Variants in CTNNA2 observed in about 807,000 individuals in gnomAD.
CTNNA2 encodes the protein catenin alpha 2.
CTNNA2 carries 42 observed loss-of-function variants against 101.0 expected under a neutral mutation model. The observed-to-expected ratio is 0.42, with a 90% CI of 0.32 to 0.54. The LOEUF (loss-of-function observed/expected upper bound fraction) is 0.54, where lower values mean the gene tolerates loss of function less well. CTNNA2 is among the 20% of genes least tolerant of loss of function. The probability of loss-of-function intolerance (pLI) is 0.14; values close to 1 mark genes in which losing one functional copy is unlikely to be tolerated. For synonymous variants in CTNNA2, 450 were observed against 456.4 expected (o/e 0.99, Z 0.18); for missense variants, 871 against 1,223.1 (o/e 0.71, Z 4.29).
intron 18 of CTNNA2, among the ~76,000 whole-genome samples, chr2:80,636,861 A>C (rs1384196740): frequency 6.6e-6 from 1 of 152,094 alleles, no homozygotes; most frequent in African/African-American, 2.4e-5. Context: ...TCACATTTTT[A>C]CATAAAATTC....
chr2:80,077,223 A>T (rs1698815308), intron 7 of CTNNA2, among the ~76,000 whole-genome samples: 1 of 152,256 alleles, frequency 6.6e-6, no homozygotes, highest in Non-Finnish European at 1.5e-5. Context: ...TGTTAAACAT[A>T]CATTTACCGT....
intron 7 of CTNNA2, among the ~76,000 whole-genome samples, chr2:80,221,218 A>T (rs146595961): frequency 9.2e-4 from 140 of 152,292 alleles, no homozygotes; most frequent in Middle Eastern, 3.4e-3. Flanking sequence ...AGCTGCATAT[A>T]ATAGGAATCA....
At chr2:80,353,395 C>T (rs1270315363) in intron 7 of CTNNA2, among the ~76,000 whole-genome samples, 2 of 152,094 alleles carry the variant, frequency 1.3e-5, no homozygotes, top group Admixed American at 6.6e-5. Flanking sequence ...CTTCTGTTGT[C>T]AAATATCGGA....
At chr2:79,188,324 G>C (rs11686890) in intron 1 of CTNNA2, among the ~76,000 whole-genome samples, 1 of 152,028 alleles carries the variant, frequency 6.6e-6, no homozygotes, top group African/African-American at 2.4e-5. Flanking sequence ...TAAATTGGTC[G>C]TGCTGAGATT....
chr2:79,436,171 C>A (rs1678710877), intron 4 of CTNNA2, among the ~76,000 whole-genome samples: 2 of 152,174 alleles, frequency 1.3e-5, no homozygotes, highest in African/African-American at 4.8e-5. Context: ...AAAAATGATG[C>A]TACTTTCTAC....
intron 7 of CTNNA2, among the ~76,000 whole-genome samples, chr2:80,275,896 TA>T (rs976915440): frequency 2.0e-5 from 3 of 152,196 alleles, no homozygotes; most frequent in Non-Finnish European, 2.9e-5. Flanking sequence ...TTAAAATTAA[TA>T]ACTGATACTT....
intron 9 of CTNNA2, among the ~76,000 whole-genome samples, chr2:80,503,382 T>TAC (rs1688026682): frequency 6.6e-6 from 1 of 152,166 alleles, no homozygotes; most frequent in African/African-American, 2.4e-5. Context: ...TGCTAGCAAC[T>TAC]ACACTTCTAT....
At chr2:79,364,551 A>G (rs528380561) in intron 3 of CTNNA2, among the ~76,000 whole-genome samples, 2 of 152,352 alleles carry the variant, frequency 1.3e-5, no homozygotes, top group African/African-American at 4.8e-5. Context: ...AGAATAATAC[A>G]TTAAACAAAA....
intron 7 of CTNNA2, among the ~76,000 whole-genome samples, chr2:79,916,275 G>A (rs1197237381): frequency 1.3e-5 from 2 of 152,096 alleles, no homozygotes; most frequent in Non-Finnish European, 2.9e-5. Context: ...GCAAAATTAA[G>A]AGCTGCCTAA....
At chr2:79,816,845 C>G (rs1037390000) in intron 3 of CTNNA2, among the ~76,000 whole-genome samples, 25 of 152,046 alleles carry the variant, frequency 1.6e-4, no homozygotes, top group Non-Finnish European at 2.9e-5. Flanking sequence ...GTTAAAATAG[C>G]CTTTTTACAG....
chr2:79,568,061 T>C (rs1414496388), intron 1 of CTNNA2, among the ~76,000 whole-genome samples: 1 of 152,168 alleles, frequency 6.6e-6, no homozygotes, highest in Non-Finnish European at 1.5e-5. Flanking sequence ...CCATGGATTG[T>C]AGGTTGGTAA....
At chr2:79,287,596 T>A (rs576231055) in intron 2 of CTNNA2, among the ~76,000 whole-genome samples, 2 of 150,450 alleles carry the variant, frequency 1.3e-5, no homozygotes, top group East Asian at 3.9e-4. Flanking sequence ...GAGGAGGCAG[T>A]CTGCCCATTC....
chr2:79,340,881 C>A (rs1335704999), intron 3 of CTNNA2, among the ~76,000 whole-genome samples: 11 of 106,688 alleles, frequency 1.0e-4, no homozygotes, highest in South Asian at 3.2e-4. Flanking sequence ...CACATGAGTA[C>A]AGAATCTAGG....
In CTNNA2 at chr2:79,575,963, C is replaced by A. The variant is rs558138723; in HGVS notation, c.-6+62756C>A. Among the ~76,000 whole-genome samples, 6 of 152,226 alleles carry A rather than the reference C, an allele frequency of 3.9e-5. No individual in the cohort carries two copies. In the South Asian group the frequency reaches 1.2e-3, roughly 32 times the overall value. On this transcript the variant is annotated intron_variant, in intron 1 of 18. Transcript: ENST00000402739. ...TATCTCTCAGGACTGCTGTGAACAC[C>A]AAATGAGAATATTAGTCTAAAGCGG...
At chr2:79,739,633 A>T (rs1448408590) in intron 2 of CTNNA2, among the ~76,000 whole-genome samples, 3 of 152,236 alleles carry the variant, frequency 2.0e-5, no homozygotes, top group Non-Finnish European at 2.9e-5. Flanking sequence ...AGTCCAGAAT[A>T]AGCCATTTCT....
intron 9 of CTNNA2, among the ~76,000 whole-genome samples, chr2:80,476,814 G>A (rs1410279772): frequency 6.6e-6 from 1 of 152,118 alleles, no homozygotes; most frequent in African/African-American, 2.4e-5. Context: ...CTAATTACAT[G>A]TTGTTCACCT....
At chr2:79,690,632 G>A (rs190907301) in intron 2 of CTNNA2, among the ~76,000 whole-genome samples, 1 of 151,824 alleles carries the variant, frequency 6.6e-6, no homozygotes. Flanking sequence ...AGATCAGCTA[G>A]GTATGTATTA....
chr2:80,592,018 G>A (rs1261207080), intron 15 of CTNNA2, among the ~76,000 whole-genome samples: 1 of 152,092 alleles, frequency 6.6e-6, no homozygotes, highest in Non-Finnish European at 1.5e-5. Context: ...ATCGCATGTT[G>A]CTAGTCTTGT....
intron 7 of CTNNA2, among the ~76,000 whole-genome samples, chr2:80,013,636 T>C (rs1693934237): frequency 2.0e-5 from 3 of 152,170 alleles, no homozygotes; most frequent in African/African-American, 7.2e-5. Flanking sequence ...CTAACCCTGT[T>C]GTTCTCTTCC....
Sources: allele counts gnomAD v4.1 joint callset (sites outside exome capture counted in the v4.1 genomes callset), GRCh38; gene constraint gnomAD v4.1.1; transcripts MANE v1.5; gene names NCBI Gene and HGNC (gene_info 2026-07-23, HGNC 2026-07-21).